Variants in PLA2R1 observed in about 807,000 individuals in gnomAD.
The protein encoded by PLA2R1 is phospholipase A2 receptor 1, also known as secretory phospholipase A2 receptor.
A neutral mutation model predicts 195.9 loss-of-function variants in PLA2R1; 158 were observed. That is an observed-to-expected ratio of 0.81 (90% CI 0.71 to 0.92). The LOEUF (loss-of-function observed/expected upper bound fraction) is 0.92. PLA2R1 is among the 40% of genes least tolerant of loss of function. PLA2R1 has a pLI of 0.00. For missense variants in PLA2R1, 1,626 were observed against 1,764.6 expected (o/e 0.92, Z 1.41); for synonymous variants, 586 against 598.2 (o/e 0.98, Z 0.30).
chr2:159,998,410 T>C (rs141154923), intron 11 of PLA2R1, among the ~76,000 whole-genome samples: 15 of 152,240 alleles, frequency 9.9e-5, no homozygotes, highest in South Asian at 4.1e-4. Flanking sequence ...CCTGAGATCA[T>C]AGAGCTGGAA....
intron 12 of PLA2R1, 99 bp from the exon 13 acceptor site, chr2:159,984,172 TATTA>T: frequency 1.7e-6 from 1 of 578,510 alleles, no homozygotes; most frequent in East Asian, 2.8e-5. Context: ...TAATCATCAT[TATTA>T]TTTATAAAGA....
rs768454820 is a variant in PLA2R1, at chr2:160,028,301, C to G, written c.1016G>C (p.Ser339Thr). The G allele has an allele frequency of 6.2e-6, 10 of 1,607,162 alleles. No homozygotes were observed. Among genetic ancestry groups the G allele is most frequent in the Non-Finnish European group, 8.5e-6 (10 of 1,174,398 alleles). The change falls in exon 6 of 30, where the codon AGT (serine) becomes ACT (threonine). Residue 339 changes from serine to threonine, a missense_variant. By Grantham distance (58) the Ser-to-Thr change is moderately conservative. Transcript: ENST00000283243. The stretch of plus-strand genomic sequence containing the variant: ...CTCACAATCCCGACTCCTCCAGGCA[C>G]TTGGCATAAATGAACTAAATGTTCC... The part of the protein sequence containing the change: ...HCGTFSSFMP[S>T]AWRSRDCEST...
intron 9 of PLA2R1, among the ~76,000 whole-genome samples, chr2:160,015,992 C>A (rs910190941): frequency 6.6e-6 from 1 of 152,176 alleles, no homozygotes; most frequent in Non-Finnish European, 1.5e-5. Context: ...AAGTCAGGCA[C>A]AGTGGCTGAA....
At chr2:159,944,117 A>G (rs1995950) in intron 28 of PLA2R1, among the ~76,000 whole-genome samples, 30,602 of 152,012 alleles carry the variant, frequency 0.2, 3,227 homozygotes, top group South Asian at 0.42. Flanking sequence ...CTACATTACC[A>G]TCCAATTTTA....
In PLA2R1 at chr2:159,937,596, A is replaced by G. The variant is rs950469234; in HGVS notation, c.*4182T>C. ...GCCTTGGGACTTTCTTCTGGATAACATAAGATGTTAGGTTCTTGGCAACAC... is the reference window on the plus strand; with the variant it reads ...GCCTTGGGACTTTCTTCTGGATAACGTAAGATGTTAGGTTCTTGGCAACAC... On this transcript the variant is annotated 3_prime_UTR_variant, in exon 30 of 30. Transcript: ENST00000283243. 1 of 152,358 alleles carries G rather than the reference A, an allele frequency of 6.6e-6. No homozygotes were observed. The highest frequency in any genetic ancestry group is 2.1e-4 in the South Asian group (1 of 4,834). 9.4% of individuals were successfully genotyped at this position (152,358 alleles called of 1,614,324 possible). A position where few individuals can be genotyped will look rare whatever the true frequency, so the allele number is the denominator to read the frequency against.
At chr2:159,978,368 T>C (rs1689718574) in intron 14 of PLA2R1, among the ~76,000 whole-genome samples, 1 of 152,194 alleles carries the variant, frequency 6.6e-6, no homozygotes, top group South Asian at 2.1e-4. Flanking sequence ...TAAAATCCTT[T>C]ATATTCCTCC....
chr2:159,925,774 C>T, the PLA2R1 span, among the ~76,000 whole-genome samples: 1 of 152,130 alleles, frequency 6.6e-6, no homozygotes, highest in African/African-American at 2.4e-5. Flanking sequence ...AGAATAATAA[C>T]CAGGTCACCT....
chr2:159,994,214 T>C (rs1691049904), intron 11 of PLA2R1, among the ~76,000 whole-genome samples: 3 of 151,970 alleles, frequency 2.0e-5, no homozygotes, highest in African/African-American at 7.2e-5. Context: ...GCGTATTTTA[T>C]GAAAAAGAAA....
rs137901109 is a variant in PLA2R1 at position 160,004,589 on chromosome 2, G to A, written c.1834+1063C>T. Among the ~76,000 whole-genome samples the A allele has an allele frequency of 2.4e-3, 370 of 152,286 alleles. 2 individuals are homozygous for A. Among genetic ancestry groups the A allele is most frequent in the African/African-American group, 8.4e-3 (348 of 41,554 alleles). Reference sequence around the variant, plus strand: ...AAAGAGCTCCGGGCCTTCAGGGAGGGAAGAGCCTGGGGCCCCTAAGCCATT... The same window carrying A: ...AAAGAGCTCCGGGCCTTCAGGGAGGAAAGAGCCTGGGGCCCCTAAGCCATT... On this transcript the variant is annotated intron_variant, in intron 11 of 29. Coordinates refer to ENST00000283243, the MANE Select transcript of PLA2R1 (RefSeq NM_007366.5).
intron 3 of PLA2R1, among the ~76,000 whole-genome samples, chr2:160,041,555 G>A (rs563630487): frequency 3.3e-4 from 51 of 152,270 alleles, no homozygotes; most frequent in African/African-American, 1.0e-3. Flanking sequence ...GGGCAATTGC[G>A]ATTTTAGAAA....
At chr2:160,054,812 T>C (rs1368071132) in intron 1 of PLA2R1, among the ~76,000 whole-genome samples, 1 of 152,178 alleles carries the variant, frequency 6.6e-6, no homozygotes, top group African/African-American at 2.4e-5. Context: ...TAATTTATGC[T>C]CCTAGCTATG....
chr2:159,970,523 CA>C (rs1000473582), intron 17 of PLA2R1, among the ~76,000 whole-genome samples: 2 of 152,084 alleles, frequency 1.3e-5, no homozygotes, highest in East Asian at 1.9e-4. Flanking sequence ...CATTTTCTGA[CA>C]AAAAATTATT....
At chr2:159,993,486 T>G (rs955704958) in intron 11 of PLA2R1, among the ~76,000 whole-genome samples, 6 of 102,622 alleles carry the variant, frequency 5.8e-5, no homozygotes, top group African/African-American at 1.8e-4. Context: ...ACTTCCTAGA[T>G]CTGTCCATTG....
intron 23 of PLA2R1, among the ~76,000 whole-genome samples, chr2:159,954,649 T>C (rs1687971775): frequency 6.6e-6 from 1 of 152,104 alleles, no homozygotes; most frequent in Non-Finnish European, 1.5e-5. Flanking sequence ...TTGTTGTTTT[T>C]ATTTATAGTA....
At chr2:159,950,246 A>G (rs1322935311) in intron 24 of PLA2R1, among the ~76,000 whole-genome samples, 2 of 152,208 alleles carry the variant, frequency 1.3e-5, no homozygotes, top group Non-Finnish European at 2.9e-5. Flanking sequence ...ATAAATAATC[A>G]TGAAATATCA....
intron 11 of PLA2R1, among the ~76,000 whole-genome samples, chr2:159,999,632 G>T: frequency 2.7e-4 from 1 of 3,680 alleles, no homozygotes; most frequent in Non-Finnish European, 5.6e-4. Flanking sequence ...CCAAAGTGCT[G>T]GGATTACAGG....
At chr2:160,014,502 A>G (rs1692603230) in intron 9 of PLA2R1, among the ~76,000 whole-genome samples, 1 of 152,094 alleles carries the variant, frequency 6.6e-6, no homozygotes, top group Non-Finnish European at 1.5e-5. Context: ...GAGCTATTTT[A>G]GTTCTTTTTT....
chr2:159,989,881 A>T (rs1228192144), intron 11 of PLA2R1, among the ~76,000 whole-genome samples: 1 of 152,182 alleles, frequency 6.6e-6, no homozygotes, highest in Non-Finnish European at 1.5e-5. Context: ...ACTTTCCCAC[A>T]CCAGACAATG....
At chr2:160,014,234 CTTTTTTTT>C (rs5835787) in intron 9 of PLA2R1, among the ~76,000 whole-genome samples, 3 of 129,428 alleles carry the variant, frequency 2.3e-5, no homozygotes, top group Non-Finnish European at 5.1e-5. Flanking sequence ...CTTTTTCTTT[CTTTTTTTT>C]TTTTTTTGTA....
Sources: gnomAD v4.1 joint callset for allele counts (sites outside exome capture counted in the v4.1 genomes callset) on GRCh38, gnomAD v4.1.1 for gene constraint, MANE v1.5 for transcripts, NCBI Gene and HGNC (gene_info 2026-07-23, HGNC 2026-07-21) for gene names.